The following CA4 variants were observed in gnomAD, a reference collection of about 807,000 sequenced individuals.
The protein encoded by CA4 is carbonic anhydrase 4, also known as CA-IV.
In CA4, 24 loss-of-function variants were observed where a neutral mutation model predicts 34.5. The ratio of observed to expected loss-of-function variants is 0.70; its 90% CI spans 0.50 to 0.98. The LOEUF (loss-of-function observed/expected upper bound fraction) is 0.98. CA4 is among the 50% of genes least tolerant of loss of function. The pLI is 0.00. For synonymous variants in CA4, 178 were observed against 170.6 expected, an observed-to-expected ratio of 1.04 and a Z score of -0.34; for missense variants, 394 against 396.7, an observed-to-expected ratio of 0.99 and a Z score of 0.06.
downstream of CA4, among the ~76,000 whole-genome samples, chr17:60,162,437 C>G (rs539369117): frequency 1.1e-3 from 161 of 152,128 alleles, no homozygotes; most frequent in Non-Finnish European, 2.0e-3. Context: ...TGAGACAGTT[C>G]CCTCTGAGGG....
downstream of CA4, among the ~76,000 whole-genome samples, chr17:60,161,875 C>A (rs1003222176): frequency 5.9e-5 from 9 of 152,092 alleles, no homozygotes; most frequent in East Asian, 3.9e-4. Flanking sequence ...AAGCTGCCCC[C>A]CAAAGGATCA....
chr17:60,167,844 C>T (rs2083870497), intron 5 of CA4, among the ~76,000 whole-genome samples: 1 of 152,132 alleles, frequency 6.6e-6, no homozygotes, highest in South Asian at 2.1e-4. Context: ...CTGGTCTGTC[C>T]CCAGTCTCCA....
At position 60,157,810 on chromosome 17, in the gene CA4, T is replaced by TCCCGGGGAA. The variant is rs781287163; in HGVS notation, c.513+30_513+38dup. 3.1e-6 allele frequency: 5 copies of TCCCGGGGAA among 1,595,358 alleles called. No individual in the cohort carries two copies. The South Asian group carries it at 5.5e-5, about 18-fold the overall frequency. On this transcript the variant is annotated intron_variant, in intron 5 of 7. Coordinates refer to ENST00000300900, the MANE Select transcript of CA4 (RefSeq NM_000717.5). ...GGAGGTGGGACTCCCATCCCCCACT[T>TCCCGGGGAA]CCCGGGGAACCCGGGGCTGAGAGCT... is the stretch of plus-strand genomic sequence containing the variant.
chr17:60,150,002 C>T lies in CA4; in HGVS notation c.-33C>T. The T allele has an allele frequency of 6.3e-7, 1 of 1,585,998 alleles. No homozygotes were observed. Among genetic ancestry groups the T allele is most frequent in the East Asian group, 2.2e-5 (1 of 44,594 alleles). On this transcript the variant is annotated 5_prime_UTR_variant, in exon 1 of 8. Transcript: ENST00000300900. ...GCGGCGGCCTCCTCGGTGCGCGACC[C>T]CCGGCTCAGAGGACTCTTTGCTGTC...
chr17:60,170,466 C>T (rs1020480390), intron 5 of CA4: 2 of 152,262 alleles, frequency 1.3e-5, no homozygotes, highest in Non-Finnish European at 2.9e-5. Context: ...GAACTACAGT[C>T]TTTGCTTGAC....
In CA4 at chr17:60,158,370, C is replaced by T; in HGVS notation, c.668C>T (p.Ser223Leu). The change falls in exon 7 of 8, where the codon TCA (serine) becomes TTA (leucine). Residue 223 changes from serine to leucine, a missense_variant. By Grantham distance (145) the Ser-to-Leu change is moderately radical. Transcript: ENST00000300900. ...KLRHYFRYLG[S>L]LTTPTCDEKV... is the part of the protein sequence containing the mutation. ...AGGCACTACTTCCGCTACCTGGGCT[C>T]ACTCACCACACCGACCTGCGATGAG... 6 of 1,614,174 alleles carry T rather than the reference C, an allele frequency of 3.7e-6. No homozygotes were observed. Among genetic ancestry groups the T allele is most frequent in the Non-Finnish European group, 5.1e-6 (6 of 1,180,014 alleles).
chr17:60,155,590 C>T (rs1277254002), intron 2 of CA4, among the ~76,000 whole-genome samples: 1 of 150,458 alleles, frequency 6.6e-6, no homozygotes, highest in Non-Finnish European at 1.5e-5. Flanking sequence ...CACAGAAACA[C>T]ACACACAACA....
chr17:60,172,653 G>T (rs1458312956), downstream of CA4, among the ~76,000 whole-genome samples: 1 of 152,030 alleles, frequency 6.6e-6, no homozygotes, highest in African/African-American at 2.4e-5. Flanking sequence ...AGACCAGCCT[G>T]GCCAACATGG....
chr17:60,152,443 C>T (rs1337980019), intron 1 of CA4, among the ~76,000 whole-genome samples: 2 of 152,182 alleles, frequency 1.3e-5, no homozygotes, highest in Admixed American at 6.5e-5. Flanking sequence ...CAAAAGTCTC[C>T]ATGATTAAGA....
chr17:60,168,169 C>T (rs1215084352), intron 5 of CA4, among the ~76,000 whole-genome samples: 1 of 140,692 alleles, frequency 7.1e-6, no homozygotes, highest in East Asian at 2.1e-4. Context: ...AGAATGGAAG[C>T]CGCATGTGGA....
At chr17:60,155,715 G>C (rs1160403385) in intron 2 of CA4, among the ~76,000 whole-genome samples, 1 of 151,922 alleles carries the variant, frequency 6.6e-6, no homozygotes, top group East Asian at 1.9e-4. Context: ...CTCCTGTCCT[G>C]GTGCTCAGGG....
At chr17:60,161,033 C>T (rs372539431), downstream of CA4, among the ~76,000 whole-genome samples, 2 of 151,830 alleles carry the variant, frequency 1.3e-5, no homozygotes, top group African/African-American at 4.8e-5. Context: ...CAGGGGCTGC[C>T]GCAGTGCCCA....
At chr17:60,157,826 G>C (rs896724757) in intron 5 of CA4, 38 bp downstream of exon 5, 4 of 1,569,782 alleles carry the variant, frequency 2.5e-6, no homozygotes, top group African/African-American at 2.7e-5. Context: ...GGAACCCGGG[G>C]CTGAGAGCTT....
intron 1 of CA4, 85 bp downstream of exon 1, chr17:60,150,177 C>A: frequency 1.7e-6 from 2 of 1,178,752 alleles, no homozygotes; most frequent in Non-Finnish European, 2.4e-6. Flanking sequence ...GATCCCCCCG[C>A]GGGCGACCGG....
downstream of CA4, among the ~76,000 whole-genome samples, chr17:60,164,405 C>G (rs1000264808): frequency 1.4e-5 from 2 of 143,908 alleles, no homozygotes; most frequent in African/African-American, 5.2e-5. Context: ...CTTTTTCTTT[C>G]TTTTTATACA....
At chr17:60,157,240 G>A (rs1235531198) in intron 3 of CA4, among the ~76,000 whole-genome samples, 187 bp from the exon 4 acceptor site, 2 of 152,246 alleles carry the variant, frequency 1.3e-5, no homozygotes, top group African/African-American at 2.4e-5. Context: ...AGACCAAGGA[G>A]GAGGCCAGGG....
In CA4 at chr17:60,156,793, A is replaced by T. The variant is rs117154637; in HGVS notation, c.268+78A>T. The T allele has an allele frequency of 0.041, 54,668 of 1,338,486 alleles. 1,360 individuals carry two copies. The highest frequency in any genetic ancestry group is 0.087 in the Middle Eastern group (450 of 5,180). 82.9% of individuals were successfully genotyped at this position (1,338,486 alleles called of 1,614,324 possible). A position where few individuals can be genotyped will look rare whatever the true frequency, so the allele number is the denominator to read the frequency against. The stretch of plus-strand genomic sequence containing the variant: ...CTGAGAGGATGGGGCTCCTCCCAGG[A>T]GGGTGTGCCAGACCCAGGCCCATCT... On this transcript the variant is annotated intron_variant, in intron 3 of 7. Coordinates refer to ENST00000300900, the MANE Select transcript of CA4 (RefSeq NM_000717.5).
chr17:60,172,754 G>A (rs1445663683), downstream of CA4, among the ~76,000 whole-genome samples: 1 of 152,162 alleles, frequency 6.6e-6, no homozygotes, highest in African/African-American at 2.4e-5. Flanking sequence ...TGAGGCAGGA[G>A]AATCACTTGA....
chr17:60,178,949 A>G, the CA4 span: 3 of 296,530 alleles, frequency 1.0e-5, no homozygotes, highest in Non-Finnish European at 1.3e-5. Flanking sequence ...ATATTTGTTC[A>G]TATCTGGACA....
Sources: allele counts gnomAD v4.1 joint callset (sites outside exome capture counted in the v4.1 genomes callset), GRCh38; gene constraint gnomAD v4.1.1; transcripts MANE v1.5; gene names NCBI Gene and HGNC (gene_info 2026-07-23, HGNC 2026-07-21).